The following PDE1A variants were observed in gnomAD, a reference collection of about 807,000 sequenced individuals.
PDE1A encodes phosphodiesterase 1A.
A neutral mutation model predicts 61.7 loss-of-function variants in PDE1A; 35 were observed. The observed-to-expected ratio is 0.57, with a 90% CI of 0.43 to 0.75. The LOEUF (loss-of-function observed/expected upper bound fraction) is 0.75, where lower values mean the gene tolerates loss of function less well. PDE1A is among the 30% of genes least tolerant of loss of function. The probability of loss-of-function intolerance (pLI) is 0.00; values close to 1 mark genes in which losing one functional copy is unlikely to be tolerated. For synonymous variants in PDE1A, 232 were observed against 213.2 expected (o/e 1.09, Z -0.77); for missense variants, 597 against 630.6 (o/e 0.95, Z 0.57).
the PDE1A span, among the ~76,000 whole-genome samples, chr2:182,639,474 A>T: frequency 6.6e-6 from 1 of 152,198 alleles, no homozygotes; most frequent in African/African-American, 2.4e-5. Context: ...AGGTCGAGGC[A>T]GGAGAATCAC....
At chr2:182,251,779 G>T (rs1047463933) in intron 2 of PDE1A, among the ~76,000 whole-genome samples, 3 of 152,142 alleles carry the variant, frequency 2.0e-5, no homozygotes, top group African/African-American at 4.8e-5. Context: ...ATTATATCGG[G>T]AGGAACAGTC....
At chr2:182,606,400 G>A in the PDE1A span, among the ~76,000 whole-genome samples, 423 of 152,212 alleles carry the variant, frequency 2.8e-3, 1 homozygote, top group African/African-American at 9.9e-3. Context: ...GGCTGTTCTC[G>A]AACTCCTGAC....
At chr2:182,577,286 G>T in the PDE1A span, among the ~76,000 whole-genome samples, 1 of 152,158 alleles carries the variant, frequency 6.6e-6, no homozygotes, top group Non-Finnish European at 1.5e-5. Flanking sequence ...CCATGCTGCA[G>T]TACTAATTTA....
chr2:182,614,604 C>T, the PDE1A span, among the ~76,000 whole-genome samples: 1 of 137,816 alleles, frequency 7.3e-6, no homozygotes, highest in African/African-American at 2.7e-5. Context: ...CTTACCCAGG[C>T]TGGAGTGCAG....
intron 1 of PDE1A, among the ~76,000 whole-genome samples, chr2:182,319,140 T>C (rs965360580): frequency 6.6e-6 from 1 of 152,136 alleles, no homozygotes; most frequent in East Asian, 1.9e-4. Flanking sequence ...ATGCCCCTTA[T>C]CTCAGGATAA....
the PDE1A span, among the ~76,000 whole-genome samples, chr2:182,714,618 G>T: frequency 6.6e-6 from 1 of 151,752 alleles, no homozygotes; most frequent in East Asian, 1.9e-4. Flanking sequence ...AGGCTGGTGT[G>T]CAGTGGTGTG....
chr2:182,473,744 G>A (rs1687183493), intron 2 of PDE1A, among the ~76,000 whole-genome samples: 1 of 151,880 alleles, frequency 6.6e-6, no homozygotes, highest in Admixed American at 6.6e-5. Context: ...TCAGGTATTT[G>A]GTTTTCTGTT....
intron 4 of PDE1A, among the ~76,000 whole-genome samples, chr2:182,232,626 A>AT (rs940913755): frequency 1.2e-4 from 18 of 152,204 alleles, no homozygotes; most frequent in Admixed American, 6.5e-5. Context: ...AATTCCTTGC[A>AT]TTTGGCCCTT....
At chr2:182,368,917 T>C (rs2125229962) in intron 1 of PDE1A, among the ~76,000 whole-genome samples, 1 of 152,350 alleles carries the variant, frequency 6.6e-6, no homozygotes, top group East Asian at 1.9e-4. Context: ...TCAAGATTTA[T>C]AAACTATCCT....
chr2:182,629,332 T>C, the PDE1A span, among the ~76,000 whole-genome samples: 12 of 152,354 alleles, frequency 7.9e-5, no homozygotes, highest in East Asian at 5.8e-4. Flanking sequence ...GAATTTGTGT[T>C]AATTTGTTAC....
chr2:182,319,872 T>G (rs990440171), intron 1 of PDE1A, among the ~76,000 whole-genome samples: 2 of 152,218 alleles, frequency 1.3e-5, no homozygotes, highest in Admixed American at 1.3e-4. Context: ...TCTGAATATT[T>G]ATTCAGTCTC....
chr2:182,140,649 G>A (rs1690187894), exon 15 of PDE1A: 1 of 152,172 alleles, frequency 6.6e-6, no homozygotes, highest in South Asian at 2.1e-4. Context: ...ATGTTGGGGA[G>A]CTGAGGTTAA....
the PDE1A span, among the ~76,000 whole-genome samples, chr2:182,622,366 G>GCCAGTGCTGAGCA: frequency 3.3e-5 from 5 of 152,170 alleles, no homozygotes; most frequent in African/African-American, 1.2e-4. Context: ...AAAATGTGCA[G>GCCAGTGCTGAGCA]CCAGTGCTGA....
the PDE1A span, among the ~76,000 whole-genome samples, chr2:182,564,586 C>G: frequency 2.4e-4 from 36 of 152,196 alleles, 1 homozygote; most frequent in East Asian, 3.5e-3. Flanking sequence ...TTTCCTGAAT[C>G]TGAATGTTGG....
At chr2:182,227,127 C>T (rs866958999) in intron 6 of PDE1A, among the ~76,000 whole-genome samples, 3 of 151,920 alleles carry the variant, frequency 2.0e-5, no homozygotes, top group Non-Finnish European at 2.9e-5. Context: ...ATTTTTTCAA[C>T]GGATCACAAT....
the PDE1A span, among the ~76,000 whole-genome samples, chr2:182,689,986 G>A: frequency 6.6e-6 from 1 of 152,168 alleles, no homozygotes; most frequent in African/African-American, 2.4e-5. Flanking sequence ...TCAGGAAGAA[G>A]TAGAATCTCG....
intron 13 of PDE1A, among the ~76,000 whole-genome samples, chr2:182,157,816 A>T (rs571403089): frequency 6.6e-6 from 1 of 152,334 alleles, no homozygotes; most frequent in Admixed American, 6.5e-5. Context: ...GAGCTACCAA[A>T]TGCCCCCAGA....
intron 2 of PDE1A, among the ~76,000 whole-genome samples, chr2:182,520,358 C>G (rs1017891712): frequency 6.6e-6 from 1 of 151,842 alleles, no homozygotes; most frequent in Non-Finnish European, 1.5e-5. Context: ...AATGAAAAAG[C>G]AGTCATTTTA....
At chr2:182,461,067 A>G (rs958833176) in intron 2 of PDE1A, among the ~76,000 whole-genome samples, 6 of 152,186 alleles carry the variant, frequency 3.9e-5, no homozygotes, top group Admixed American at 3.3e-4. Flanking sequence ...GAGTGGTCAG[A>G]AGGTGACCTC....
Sources: gnomAD v4.1 joint callset for allele counts (sites outside exome capture counted in the v4.1 genomes callset) on GRCh38, gnomAD v4.1.1 for gene constraint, MANE v1.5 for transcripts, NCBI Gene and HGNC (gene_info 2026-07-23, HGNC 2026-07-21) for gene names.